The following CPQ variants were observed in gnomAD, a reference collection of about 807,000 sequenced individuals.
The protein encoded by CPQ is carboxypeptidase Q, also known as Ser-Met dipeptidase.
Under a neutral mutation model 45.7 loss-of-function variants are expected in CPQ, and 37 were observed. That is an observed-to-expected ratio of 0.81 (90% CI 0.62 to 1.07). CPQ has a LOEUF of 1.07. CPQ is among the 50% of genes least tolerant of loss of function. The pLI is 0.00. For synonymous variants in CPQ, 186 were observed against 205.8 expected (o/e 0.90, Z 0.82); for missense variants, 537 against 572.9 (o/e 0.94, Z 0.64).
chr8:96,966,192 A>C, intron 5 of CPQ, 146 bp downstream of exon 5: 1 of 556,338 alleles, frequency 1.8e-6, no homozygotes, highest in South Asian at 2.6e-5. Flanking sequence ...GAAACAACTT[A>C]TGCTCTTAAA....
In CPQ at chr8:96,819,557, G is replaced by C. The variant is rs776022658; in HGVS notation, c.434-15416G>C. On this transcript the variant is annotated intron_variant, in intron 2 of 7. Coordinates refer to ENST00000220763, the MANE Select transcript of CPQ (RefSeq NM_016134.4). ...CTTGTTTGATGAGCAGAATGAGCAG[G>C]AGCATCATTGTGGTGGAGAAGGATT... is the stretch of plus-strand genomic sequence containing the variant. Among the ~76,000 whole-genome samples, 63 of 152,212 alleles carry C rather than the reference G, an allele frequency of 4.1e-4. 1 individual carries two copies. The highest frequency in any genetic ancestry group is 7.4e-5 in the Non-Finnish European group (5 of 67,990).
intron 4 of CPQ, among the ~76,000 whole-genome samples, chr8:96,900,750 T>A (rs1329309891): frequency 6.6e-6 from 1 of 152,180 alleles, no homozygotes; most frequent in Non-Finnish European, 1.5e-5. Flanking sequence ...GTTGGATTTG[T>A]TCTATATTCA....
intron 1 of CPQ, among the ~76,000 whole-genome samples, chr8:96,742,553 G>A (rs1193707361): frequency 6.6e-6 from 1 of 151,908 alleles, no homozygotes; most frequent in Non-Finnish European, 1.5e-5. Context: ...CTTAGTTGAT[G>A]CAGTTTCTTC....
chr8:96,735,137 C>T (rs1809966469), intron 1 of CPQ, among the ~76,000 whole-genome samples: 1 of 152,140 alleles, frequency 6.6e-6, no homozygotes, highest in African/African-American at 2.4e-5. Context: ...GGACACTTAT[C>T]ACAATTTTAT....
chr8:97,135,917 A>T (rs899968355), intron 7 of CPQ, among the ~76,000 whole-genome samples: 1 of 152,236 alleles, frequency 6.6e-6, no homozygotes, highest in African/African-American at 2.4e-5. Flanking sequence ...CTCACTGATT[A>T]CATATGAATG....
At position 96,753,946 on chromosome 8, in the gene CPQ, C is replaced by G. The variant is rs563623966; in HGVS notation, c.-34-30918C>G. Among the ~76,000 whole-genome samples the G allele has an allele frequency of 2.0e-5, 3 of 151,864 alleles. No individual in the cohort carries two copies. The East Asian group carries it at 5.8e-4, about 29-fold the overall frequency. On this transcript the variant is annotated intron_variant, in intron 1 of 7. Coordinates refer to ENST00000220763, the MANE Select transcript of CPQ (RefSeq NM_016134.4). ...AAAAAAAAACAGTGTTGAATTTTAT[C>G]AAATGATCTTTTGTTCTTTTTTTAA... is the stretch of plus-strand genomic sequence containing the variant.
At chr8:97,069,896 C>G (rs1242911733) in intron 7 of CPQ, among the ~76,000 whole-genome samples, 1 of 152,046 alleles carries the variant, frequency 6.6e-6, no homozygotes, top group Non-Finnish European at 1.5e-5. Flanking sequence ...ATCTATCACA[C>G]AGATAGAATT....
chr8:96,975,737 A>C (rs541940026), intron 5 of CPQ, among the ~76,000 whole-genome samples: 4 of 152,304 alleles, frequency 2.6e-5, no homozygotes, highest in African/African-American at 9.6e-5. Context: ...AATTAAAAAC[A>C]AAAATCACAT....
chr8:96,760,990 C>G (rs541506156), intron 1 of CPQ: 26 of 152,210 alleles, frequency 1.7e-4, no homozygotes, highest in African/African-American at 6.3e-4. Context: ...GTAAAAGTCT[C>G]AGTTAGGATG....
chr8:96,819,535 GT>G (rs1472469588), intron 2 of CPQ, among the ~76,000 whole-genome samples: 3 of 152,086 alleles, frequency 2.0e-5, no homozygotes, highest in Admixed American at 6.6e-5. Flanking sequence ...AATTGCCCTT[GT>G]TTGATGAGCA....
At chr8:96,903,870 T>A (rs1812543389) in intron 4 of CPQ, among the ~76,000 whole-genome samples, 1 of 152,170 alleles carries the variant, frequency 6.6e-6, no homozygotes. Flanking sequence ...ATTCATTTTG[T>A]TCTTATTTGC....
intron 4 of CPQ, among the ~76,000 whole-genome samples, chr8:96,891,863 C>T (rs549239787): frequency 2.0e-5 from 3 of 152,232 alleles, no homozygotes; most frequent in African/African-American, 4.8e-5. Context: ...TGAGGGCAAC[C>T]GTCCTGGTCT....
chr8:97,045,026 A>G (rs1425943315), intron 6 of CPQ, among the ~76,000 whole-genome samples: 3 of 152,202 alleles, frequency 2.0e-5, no homozygotes, highest in African/African-American at 7.2e-5. Flanking sequence ...GCTGTCAGAC[A>G]GGGACATTTA....
chr8:97,015,567 A>G (rs1342059365), intron 5 of CPQ, among the ~76,000 whole-genome samples: 1 of 152,198 alleles, frequency 6.6e-6, no homozygotes, highest in Non-Finnish European at 1.5e-5. Flanking sequence ...TAGATACAAT[A>G]TGACACATAA....
intron 1 of CPQ, among the ~76,000 whole-genome samples, chr8:96,688,414 G>A (rs1809263032): frequency 6.6e-6 from 1 of 152,074 alleles, no homozygotes; most frequent in African/African-American, 2.4e-5. Context: ...TAATGAGTAT[G>A]TTTAGGCCAT....
At chr8:96,835,204 T>C (rs2130848842) in intron 3 of CPQ, 24 bp downstream of exon 3, 2 of 1,407,598 alleles carry the variant, frequency 1.4e-6, no homozygotes, top group Non-Finnish European at 1.9e-6. Context: ...TTCATTTGAA[T>C]TCCTTTCAAA....
intron 1 of CPQ, among the ~76,000 whole-genome samples, chr8:96,672,518 A>T (rs554430751): frequency 6.6e-6 from 1 of 152,086 alleles, no homozygotes; most frequent in South Asian, 2.1e-4. Flanking sequence ...AATTGCTAGG[A>T]TTGGGGAGTT....
intron 4 of CPQ, among the ~76,000 whole-genome samples, chr8:96,945,461 A>G (rs1327829388): frequency 6.6e-6 from 1 of 152,166 alleles, no homozygotes; most frequent in African/African-American, 2.4e-5. Context: ...CTTAGCTGAT[A>G]TCTTTAAGAA....
intron 3 of CPQ, among the ~76,000 whole-genome samples, chr8:96,867,798 G>C (rs1486112583): frequency 6.6e-6 from 1 of 151,950 alleles, no homozygotes; most frequent in Non-Finnish European, 1.5e-5. Flanking sequence ...GCAGAGTTAT[G>C]TTATGACTTT....
Sources: allele counts gnomAD v4.1 joint callset (sites outside exome capture counted in the v4.1 genomes callset), GRCh38; gene constraint gnomAD v4.1.1; transcripts MANE v1.5; gene names NCBI Gene and HGNC (gene_info 2026-07-23, HGNC 2026-07-21).